INPP5B: variants seen among roughly 807,000 people sequenced by gnomAD.
INPP5B encodes the protein type II inositol 1,4,5-trisphosphate 5-phosphatase.
Under a neutral mutation model 118.5 loss-of-function variants are expected in INPP5B, and 90 were observed. The observed-to-expected ratio is 0.76, with a 90% CI of 0.64 to 0.90. The LOEUF (loss-of-function observed/expected upper bound fraction) is 0.90, where lower values mean the gene tolerates loss of function less well. INPP5B is among the 40% of genes least tolerant of loss of function. The pLI, the probability that INPP5B is intolerant of heterozygous loss-of-function variation, is 0.00. For synonymous variants in INPP5B, 385 were observed against 418.9 expected (o/e 0.92, Z 0.99); for missense variants, 984 against 1,125.6 (o/e 0.87, Z 1.80).
intron 6 of INPP5B, among the ~76,000 whole-genome samples, chr1:37,935,062 G>C (rs572206832): frequency 6.7e-6 from 1 of 150,154 alleles, no homozygotes; most frequent in Non-Finnish European, 1.5e-5. Flanking sequence ...TTAGCCGGGC[G>C]TGCTGGCGGG....
At chr1:37,882,097 T>C (rs1643236874) in intron 14 of INPP5B, among the ~76,000 whole-genome samples, 1 of 143,322 alleles carries the variant, frequency 7.0e-6, no homozygotes, top group African/African-American at 2.6e-5. Context: ...AGACTCTGTC[T>C]CAAAAAAAAA....
chr1:37,927,327 G>A (rs141636624), intron 7 of INPP5B, among the ~76,000 whole-genome samples: 71 of 152,062 alleles, frequency 4.7e-4, no homozygotes, highest in Middle Eastern at 3.4e-3. Flanking sequence ...ATAAGTGCAG[G>A]AGCAGAAAGA....
At chr1:37,915,788 T>G (rs1179669684) in intron 7 of INPP5B, among the ~76,000 whole-genome samples, 1 of 152,216 alleles carries the variant, frequency 6.6e-6, no homozygotes, top group African/African-American at 2.4e-5. Flanking sequence ...AATAACATGT[T>G]TTTTGTGTTT....
intron 19 of INPP5B, among the ~76,000 whole-genome samples, 186 bp downstream of exon 19, chr1:37,872,744 T>G (rs1642536345): frequency 6.6e-6 from 1 of 151,572 alleles, no homozygotes; most frequent in Non-Finnish European, 1.5e-5. Context: ...GAGCAATAAC[T>G]CGGTGTTAAA....
At chr1:37,872,481 T>C (rs1642520532) in intron 19 of INPP5B, among the ~76,000 whole-genome samples, 1 of 151,892 alleles carries the variant, frequency 6.6e-6, no homozygotes, top group Non-Finnish European at 1.5e-5. Context: ...GTATGCATTT[T>C]GGAGCCTATG....
intron 2 of INPP5B, 117 bp from the exon 3 acceptor site, chr1:37,945,967 C>T: frequency 2.2e-6 from 2 of 891,626 alleles, no homozygotes; most frequent in Non-Finnish European, 3.5e-6. Context: ...CTTGGGTGAG[C>T]ACTCAAACCA....
chr1:37,941,481 C>G (rs924380211), intron 5 of INPP5B, among the ~76,000 whole-genome samples: 1 of 151,486 alleles, frequency 6.6e-6, no homozygotes. Context: ...GACACCACCC[C>G]CCGCCACCCA....
chr1:37,912,935 G>A lies in INPP5B; in HGVS notation c.532+18978C>T, dbSNP rs1350248211. On this transcript the variant is annotated intron_variant, in intron 7 of 23. Transcript: ENST00000373024. ...TTTCCTCTAAAATCACAGAGGCCTC[G>A]ACTTACTCACTGCTAAAAAAAAAAA... Among the ~76,000 whole-genome samples the A allele has an allele frequency of 3.7e-5, 5 of 135,202 alleles. No homozygotes were observed. The East Asian group carries it at 8.5e-4, about 23-fold the overall frequency. The allele number at this position is 135,202 out of a possible 152,430, so 88.7% of individuals were successfully genotyped here. A position where few individuals can be genotyped will look rare whatever the true frequency, so the allele number is the denominator to read the frequency against.
At chr1:37,884,221 A>T (rs527282742) in intron 13 of INPP5B, 4 of 152,178 alleles carry the variant, frequency 2.6e-5, no homozygotes, top group African/African-American at 9.6e-5. Flanking sequence ...ATAAATCTTT[A>T]AAAAAAAGAA....
chr1:37,932,230 G>T (rs1444915997), intron 6 of INPP5B, among the ~76,000 whole-genome samples, 177 bp from the exon 7 acceptor site: 1 of 152,158 alleles, frequency 6.6e-6, no homozygotes, highest in African/African-American at 2.4e-5. Flanking sequence ...CCAAGGCAGA[G>T]ACCACCGCCA....
intron 12 of INPP5B, among the ~76,000 whole-genome samples, chr1:37,886,281 A>AG (rs1643531395): frequency 6.6e-6 from 1 of 151,820 alleles, no homozygotes; most frequent in Admixed American, 6.6e-5. Context: ...ATTAAAAAAA[A>AG]AAAGAAGGCA....
intron 17 of INPP5B, among the ~76,000 whole-genome samples, 176 bp downstream of exon 17, chr1:37,875,430 G>C (rs1415620548): frequency 6.6e-6 from 1 of 152,050 alleles, no homozygotes. Flanking sequence ...CACCACGCCC[G>C]GCTAATTTTT....
intron 7 of INPP5B, among the ~76,000 whole-genome samples, chr1:37,897,406 T>C (rs1644159894): frequency 6.6e-6 from 1 of 151,628 alleles, no homozygotes. Flanking sequence ...TTCTTCTGCC[T>C]TGGGATCCTG....
At position 37,887,412 on chromosome 1, in the gene INPP5B, T is replaced by C; in HGVS notation, c.953A>G (p.Lys318Arg). ...CACAGCTTTGAACCACTCTTCCTCC[T>C]TTGGGGTATCGTGAAAGAAAAAAGC... ...KEAFFFHDTP[K>R]EEEWFKAVSE... Residue 318 changes from lysine (K) to arginine (R), a missense_variant, in exon 11 of 24, where the codon AAG (lysine) becomes AGG (arginine). Physicochemically the swap from Lys to Arg is conservative, Grantham distance 26 (BLOSUM62 2). This residue lies in a region of INPP5B where 634 missense variants were observed against 791.0 expected (regional missense o/e 0.80). Coordinates refer to ENST00000373024, the MANE Select transcript of INPP5B (RefSeq NM_005540.3). 1.9e-6 allele frequency: 3 copies of C among 1,613,874 alleles called. No homozygotes were observed. Among genetic ancestry groups the C allele is most frequent in the African/African-American group, 1.3e-5 (1 of 75,018 alleles).
chr1:37,881,294 T>C (rs947459564), intron 14 of INPP5B, among the ~76,000 whole-genome samples: 7 of 152,230 alleles, frequency 4.6e-5, no homozygotes, highest in African/African-American at 7.2e-5. Context: ...ATAGGGTCTT[T>C]AGAAAGATTC....
At position 37,875,622 on chromosome 1, in the gene INPP5B, G is replaced by A; in HGVS notation, c.1772C>T (p.Ser591Phe). ...KMENANIPSV[S>F]LSKREFCFQN... Reference sequence around the variant, plus strand: ...CCTTCCTACCTCTCGCTTGGACAGGGACACAGAAGGAATGTTGGCATTTTC... The same window carrying A: ...CCTTCCTACCTCTCGCTTGGACAGGAACACAGAAGGAATGTTGGCATTTTC... Residue 591 changes from serine to phenylalanine, a missense_variant, in exon 17 of 24, where the codon TCC becomes TTC. By Grantham distance (155) the Ser-to-Phe change is radical (BLOSUM62 -2). Coordinates refer to ENST00000373024, the MANE Select transcript of INPP5B (RefSeq NM_005540.3). 1 of 1,613,316 alleles carries A rather than the reference G, an allele frequency of 6.2e-7. No individual in the cohort carries two copies. The highest frequency in any genetic ancestry group is 1.3e-5 in the African/African-American group (1 of 74,990).
intron 8 of INPP5B, 131 bp downstream of exon 8, chr1:37,891,227 C>CAA (rs71656437): frequency 0.07 from 29,970 of 427,488 alleles, 114 homozygotes; most frequent in Non-Finnish European, 0.081. Context: ...AACTCTGTCT[C>CAA]AAAAAAAAAA....
chr1:37,865,717 T>C (rs762360490), intron 22 of INPP5B, 44 bp downstream of exon 22: 2 of 1,598,326 alleles, frequency 1.3e-6, no homozygotes, highest in East Asian at 2.3e-5. Context: ...CTTAGCCCCA[T>C]GGGGTCTGGG....
chr1:37,871,229 G>A (rs1642408384), intron 19 of INPP5B, among the ~76,000 whole-genome samples: 1 of 151,090 alleles, frequency 6.6e-6, no homozygotes, highest in Non-Finnish European at 1.5e-5. Context: ...AAGCTGGGGC[G>A]GGCAGATCAC....
Sources: allele counts gnomAD v4.1 joint callset (sites outside exome capture counted in the v4.1 genomes callset), GRCh38; gene constraint gnomAD v4.1.1; regional missense constraint gnomAD v4.1.1; transcripts MANE v1.5; gene names NCBI Gene and HGNC (gene_info 2026-07-23, HGNC 2026-07-21).